TSPAN16: variants seen among roughly 807,000 people sequenced by gnomAD.
TSPAN16 encodes the protein tetraspanin-16.
In TSPAN16, 23 loss-of-function variants were observed where a neutral mutation model predicts 25.2. The observed-to-expected ratio is 0.91, with a 90% CI of 0.66 to 1.29. The LOEUF is 1.29. Ranked by LOEUF, TSPAN16 falls within the 50% of genes most tolerant of loss-of-function variation. The probability of loss-of-function intolerance (pLI) is 0.00; values close to 1 mark genes in which losing one functional copy is unlikely to be tolerated. For missense variants in TSPAN16, 272 were observed against 299.9 expected (o/e 0.91, Z 0.69); for synonymous variants, 123 against 124.4 (o/e 0.99, Z 0.08).
downstream of TSPAN16, among the ~76,000 whole-genome samples, chr19:11,318,049 CAG>C (rs1188351273): frequency 6.6e-6 from 1 of 151,732 alleles, no homozygotes; most frequent in Non-Finnish European, 1.5e-5. Context: ...TTTTTTGAGA[CAG>C]AGTCTCGCTC....
downstream of TSPAN16, among the ~76,000 whole-genome samples, chr19:11,319,034 G>C: frequency 6.6e-6 from 1 of 152,274 alleles, no homozygotes; most frequent in African/African-American, 2.4e-5. Flanking sequence ...GTGGACACCC[G>C]CTGGGTGTTC....
In TSPAN16 at chr19:11,299,063, T is replaced by G. The variant is rs1004372443; in HGVS notation, c.342+117T>G. 3.6e-5 allele frequency: 35 copies of G among 983,946 alleles called. No individual in the cohort carries two copies. The African/African-American group carries it at 5.0e-4, about 14-fold the overall frequency. The allele number at this position is 983,946 out of a possible 1,614,324, so 61.0% of individuals were successfully genotyped here. ...GGGAGGCTGAGTCTGGTGGATCACC[T>G]GAGGTCATGAGTTTGAGACCAGCCT... On this transcript the variant is annotated intron_variant, in intron 3 of 6. Transcript: ENST00000590327.
At chr19:11,321,779 G>A (rs1004777272) in intron 6 of TSPAN16, among the ~76,000 whole-genome samples, 2 of 152,196 alleles carry the variant, frequency 1.3e-5, no homozygotes, top group African/African-American at 4.8e-5. Context: ...TCTAAGCAGA[G>A]GAGGAATGCG....
intron 6 of TSPAN16, chr19:11,323,768 G>A (rs2080794989): frequency 2.6e-5 from 4 of 152,436 alleles, no homozygotes; most frequent in Admixed American, 2.6e-4. Flanking sequence ...TGGCTTCAGG[G>A]GCTGGGAGAG....
intron 6 of TSPAN16, chr19:11,325,240 C>T (rs887917126): frequency 2.0e-5 from 12 of 590,538 alleles, no homozygotes; most frequent in Non-Finnish European, 3.0e-5. Context: ...CTGGCAGCCA[C>T]GGCGACATTG....
intron 4 of TSPAN16, among the ~76,000 whole-genome samples, 159 bp downstream of exon 4, chr19:11,301,467 C>T (rs545378942): frequency 6.6e-6 from 1 of 151,366 alleles, no homozygotes; most frequent in Non-Finnish European, 1.5e-5. Flanking sequence ...TGGTGAAACC[C>T]CGTCTCTACT....
chr19:11,312,322 T>TA (rs56982210), intron 6 of TSPAN16, 100 bp downstream of exon 6: 4,973 of 307,600 alleles, frequency 0.016, no homozygotes, highest in Middle Eastern at 0.019. Flanking sequence ...TGAACAAAAC[T>TA]AAAAAAAAAA....
chr19:11,301,818 A>G (rs2080553250), intron 4 of TSPAN16, among the ~76,000 whole-genome samples: 1 of 140,878 alleles, frequency 7.1e-6, no homozygotes, highest in African/African-American at 2.9e-5. Context: ...CATGAAATGT[A>G]TCGTTTAACA....
chr19:11,302,134 A>G (rs538761989), intron 4 of TSPAN16, among the ~76,000 whole-genome samples: 1 of 152,168 alleles, frequency 6.6e-6, no homozygotes, highest in African/African-American at 2.4e-5. Context: ...CCATTTAACA[A>G]TTTTGAAGTG....
At chr19:11,316,678 T>C (rs1183131612), downstream of TSPAN16, among the ~76,000 whole-genome samples, 2 of 152,062 alleles carry the variant, frequency 1.3e-5, no homozygotes, top group African/African-American at 4.8e-5. Context: ...AATGAACATA[T>C]CTATAGGCTC....
At chr19:11,298,757 A>G in intron 2 of TSPAN16, 115 bp from the exon 3 acceptor site, 1 of 946,720 alleles carries the variant, frequency 1.1e-6, no homozygotes, top group Non-Finnish European at 1.7e-6. Context: ...TGGAGAGGCC[A>G]GGGTGGCCTG....
At chr19:11,312,565 C>T (rs1599345054) in intron 6 of TSPAN16, among the ~76,000 whole-genome samples, 1 of 151,572 alleles carries the variant, frequency 6.6e-6, no homozygotes, top group African/African-American at 2.4e-5. Context: ...CAAAATCAGC[C>T]TGGGCAACAT....
intron 6 of TSPAN16, among the ~76,000 whole-genome samples, chr19:11,313,977 A>G (rs572941785): frequency 7.2e-5 from 11 of 152,344 alleles, no homozygotes; most frequent in African/African-American, 2.6e-4. Context: ...CAAGTGATGA[A>G]TGGATAAAGA....
chr19:11,307,918 G>A (rs926989005), intron 5 of TSPAN16: 13 of 152,248 alleles, frequency 8.5e-5, no homozygotes, highest in African/African-American at 3.1e-4. Flanking sequence ...CTTTGGCAGA[G>A]TTGGAATTTG....
At chr19:11,301,366 G>C in intron 4 of TSPAN16, 58 bp downstream of exon 4, 1 of 1,360,490 alleles carries the variant, frequency 7.4e-7, no homozygotes, top group Non-Finnish European at 1.0e-6. Flanking sequence ...ATGGGCGGGC[G>C]AAGTGGCTCA....
chr19:11,315,642 C>T (rs1329336037), intron 6 of TSPAN16, 149 bp from the exon 7 acceptor site: 4 of 441,002 alleles, frequency 9.1e-6, no homozygotes, highest in Non-Finnish European at 1.5e-5. Flanking sequence ...GTGGCTCCAA[C>T]TTAGCCCAGG....
At chr19:11,299,329 G>C (rs1599326712) in intron 3 of TSPAN16, among the ~76,000 whole-genome samples, 1 of 150,834 alleles carries the variant, frequency 6.6e-6, no homozygotes, top group African/African-American at 2.4e-5. Context: ...TCCCCGCCAG[G>C]CACCCATGAT....
In TSPAN16 at chr19:11,298,947, G is replaced by T. The variant is rs1466684524; in HGVS notation, c.342+1G>T. 5.0e-6 allele frequency: 8 copies of T among 1,613,614 alleles called. No individual in the cohort carries two copies. Among genetic ancestry groups the T allele is most frequent in the Middle Eastern group, 1.7e-4 (1 of 6,058 alleles). On this transcript the variant is annotated splice_donor_variant, in intron 3 of 6. Transcript: ENST00000590327. LOFTEE classifies it high-confidence loss of function. ...AGTGGTCCTTCTTTTCTTTCCAATT[G>T]TAAGTACAGCCCTGCTCCTCCCACA...
At chr19:11,326,523 CACAGGTGGCT>C (rs2080814058) in intron 6 of TSPAN16, among the ~76,000 whole-genome samples, 1 of 152,198 alleles carries the variant, frequency 6.6e-6, no homozygotes, top group Admixed American at 6.5e-5. Flanking sequence ...TGGCAGTGCC[CACAGGTGGCT>C]ATAGCTCAGC....
Sources: allele counts gnomAD v4.1 joint callset (sites outside exome capture counted in the v4.1 genomes callset), GRCh38; gene constraint gnomAD v4.1.1; transcripts MANE v1.5; gene names NCBI Gene and HGNC (gene_info 2026-07-23, HGNC 2026-07-21).